Variants in FSIP2 observed in about 807,000 individuals in gnomAD.
FSIP2 encodes the protein fibrous sheath-interacting protein 2.
Under a neutral mutation model 510.5 loss-of-function variants are expected in FSIP2, and 367 were observed. That is an observed-to-expected ratio of 0.72 (90% CI 0.66 to 0.78). FSIP2 has a LOEUF of 0.78. Among genes scored for constraint, FSIP2 ranks in the 30% least tolerant of loss-of-function variants. FSIP2 has a pLI of 0.00. For missense variants in FSIP2, 7,594 were observed against 7,901.7 expected (o/e 0.96, Z 1.48); for synonymous variants, 2,601 against 2,732.2 (o/e 0.95, Z 1.50).
chr2:185,808,631 A>G lies in FSIP2; in HGVS notation c.19325A>G (p.Asp6442Gly). The change falls in exon 17 of 23, where the codon GAT (aspartate) becomes GGT (glycine). Residue 6442 changes from aspartate to glycine, a missense_variant. By Grantham distance (94) the Asp-to-Gly change is moderately conservative. Coordinates refer to ENST00000424728, the MANE Select transcript of FSIP2 (RefSeq NM_173651.4). ...QSGTNKEFYY[D>G]IKDTNTAFPK... ...GGAACCAACAAAGAATTTTATTATG[A>G]TATAAAAGATACAAATACAGCCTTT... 1 of 1,603,142 alleles carries G rather than the reference A, an allele frequency of 6.2e-7. No individual in the cohort carries two copies. The highest frequency in any genetic ancestry group is 8.5e-7 in the Non-Finnish European group (1 of 1,174,730).
At chr2:185,824,531 GTT>G (rs544414863) in intron 20 of FSIP2, 51 bp downstream of exon 20, 9 of 903,442 alleles carry the variant, frequency 1.0e-5, no homozygotes, top group African/African-American at 3.5e-5. Flanking sequence ...ACTTTGATGT[GTT>G]TTTTTTTTAG....
At chr2:185,750,050 A>G (rs1692111315) in intron 7 of FSIP2, among the ~76,000 whole-genome samples, 1 of 151,742 alleles carries the variant, frequency 6.6e-6, no homozygotes, top group Non-Finnish European at 1.5e-5. Context: ...CATTTTACAT[A>G]TTGTTGTATT....
Position 185,807,133 on chromosome 2 carries a change from G to A in FSIP2, c.17827G>A (p.Glu5943Lys). The change falls in exon 17 of 23, where the codon GAA (glutamate) becomes AAA (lysine). Residue 5943 changes from glutamate (E) to lysine (K), a missense_variant. Transcript: ENST00000424728. ...SIWKNINSNGENLARRLTSAV... is the reference protein window; with the variant it reads ...SIWKNINSNGKNLARRLTSAV... The stretch of plus-strand genomic sequence containing the variant: ...TTGGAAGAATATAAACAGTAATGGA[G>A]AAAATTTAGCAAGAAGACTAACTAG... 1 of 1,601,480 alleles carries A rather than the reference G, an allele frequency of 6.2e-7. No individual in the cohort carries two copies. The highest frequency in any genetic ancestry group is 8.5e-7 in the Non-Finnish European group (1 of 1,175,854).
intron 13 of FSIP2, among the ~76,000 whole-genome samples, chr2:185,775,864 A>G (rs1692705681): frequency 1.3e-5 from 2 of 152,164 alleles, no homozygotes; most frequent in East Asian, 1.9e-4. Context: ...GAGTTTCTCC[A>G]TGTTGGCCAG....
In FSIP2 at chr2:185,790,056, C is replaced by G. The variant is rs1410380893; in HGVS notation, c.2920C>G (p.Leu974Val). The stretch of plus-strand genomic sequence containing the variant: ...TTCTGACACCAAAGAAAAGTACAGA[C>G]TCACTGGCACTAGATTATCAAATAG... ...SPSDTKEKYR[L>V]TGTRLSNSPR... The change falls in exon 16 of 23, where the codon CTC (leucine) becomes GTC (valine). Residue 974 changes from leucine to valine, a missense_variant. Transcript: ENST00000424728. 1.2e-5 allele frequency: 18 copies of G among 1,533,364 alleles called. No individual in the cohort carries two copies. In the East Asian group the frequency reaches 4.4e-4, roughly 38 times the overall value. 95.0% of individuals were successfully genotyped at this position (1,533,364 alleles called of 1,614,324 possible).
rs1434497881 is a variant in FSIP2, at chr2:185,789,149, G to A, written c.2013G>A (p.Gly671=). ...CTACCACTGAAACAGATAGCTTAGG[G>A]AGTTCATTGCATTGTGATAAAACAG... ...KDATTETDSL[G]SSLHCDKTAK... Residue 671 remains glycine, a synonymous_variant, in exon 16 of 23, where the codon GGG becomes GGA. Coordinates refer to ENST00000424728, the MANE Select transcript of FSIP2 (RefSeq NM_173651.4). 2 of 1,535,056 alleles carry A rather than the reference G, an allele frequency of 1.3e-6. No individual in the cohort carries two copies. The highest frequency in any genetic ancestry group is 1.2e-5 in the South Asian group (1 of 84,024).
chr2:185,760,807 A>G (rs1051645500), intron 9 of FSIP2, among the ~76,000 whole-genome samples, 181 bp from the exon 10 acceptor site: 1 of 150,726 alleles, frequency 6.6e-6, no homozygotes, highest in Non-Finnish European at 1.5e-5. Context: ...AAGTTGCATT[A>G]GAAAACTTCT....
In FSIP2 at chr2:185,803,366, C is replaced by T. The variant is rs1015882507; in HGVS notation, c.14060C>T (p.Pro4687Leu). The T allele has an allele frequency of 6.6e-5, 101 of 1,533,058 alleles. No homozygotes were observed. The highest frequency in any genetic ancestry group is 8.6e-5 in the Non-Finnish European group (98 of 1,144,912). The allele number at this position is 1,533,058 out of a possible 1,614,324, so 95.0% of individuals were successfully genotyped here. A position where few individuals can be genotyped will look rare whatever the true frequency, so the allele number is the denominator to read the frequency against. The change falls in exon 17 of 23, where the codon CCT becomes CTT. Residue 4687 changes from proline (P) to leucine (L), a missense_variant. By Grantham distance (98) the Pro-to-Leu change is moderately conservative. Coordinates refer to ENST00000424728, the MANE Select transcript of FSIP2 (RefSeq NM_173651.4). ...AATACTGAGGAAAGACTGTGTTTAC[C>T]TCCAGTGGAGAGGGATGTAGTCAAA... is the stretch of plus-strand genomic sequence containing the variant. ...IDNTEERLCL[P>L]PVERDVVKTI...
chr2:185,791,147 T>G lies in FSIP2; in HGVS notation c.4011T>G (p.Thr1337=). The G allele has an allele frequency of 1.3e-6, 2 of 1,533,500 alleles. No individual in the cohort carries two copies. The highest frequency in any genetic ancestry group is 1.2e-5 in the South Asian group (1 of 83,930). The allele number at this position is 1,533,500 out of a possible 1,614,324, so 95.0% of individuals were successfully genotyped here. The change falls in exon 16 of 23, where the codon ACT becomes ACG. Residue 1337 remains threonine, a synonymous_variant. Coordinates refer to ENST00000424728, the MANE Select transcript of FSIP2 (RefSeq NM_173651.4). ...CAGATAAAGGATTTTTTGCTAATAC[T>G]GATAAAAAATTAGAATCTCTTGTCA... ...SLTDKGFFAN[T]DKKLESLVTS...
chr2:185,828,103 T>A, intron 20 of FSIP2, 53 bp from the exon 21 acceptor site: 1 of 970,768 alleles, frequency 1.0e-6, no homozygotes. Context: ...TGTCAACAAA[T>A]ATACATGCCT....
intron 22 of FSIP2, 75 bp downstream of exon 22, chr2:185,831,957 T>A: frequency 1.1e-6 from 1 of 884,258 alleles, no homozygotes; most frequent in East Asian, 2.6e-5. Context: ...GAATTTTTTA[T>A]TACTTTCCTG....
intron 20 of FSIP2, among the ~76,000 whole-genome samples, chr2:185,824,974 A>G (rs1693990472): frequency 6.6e-6 from 1 of 151,474 alleles, no homozygotes; most frequent in South Asian, 2.1e-4. Context: ...ATTTGTAATG[A>G]CTTTTAGGTT....
At chr2:185,830,828 G>C (rs1266485363) in intron 21 of FSIP2, among the ~76,000 whole-genome samples, 1 of 151,654 alleles carries the variant, frequency 6.6e-6, no homozygotes, top group African/African-American at 2.4e-5. Context: ...TCTCACATTA[G>C]AGTTTTGTGA....
intron 7 of FSIP2, among the ~76,000 whole-genome samples, chr2:185,749,739 T>C (rs570434617): frequency 6.6e-6 from 1 of 151,950 alleles, no homozygotes; most frequent in South Asian, 2.1e-4. Flanking sequence ...TCTTTGCTAG[T>C]GATCTCAAGG....
Position 185,805,790 on chromosome 2 carries a change from T to C in FSIP2, c.16484T>C (p.Ile5495Thr), listed in dbSNP as rs371174162. 63 of 1,603,172 alleles carry C rather than the reference T, an allele frequency of 3.9e-5. No individual in the cohort carries two copies. Among genetic ancestry groups the C allele is most frequent in the Non-Finnish European group, 5.0e-5 (59 of 1,176,460 alleles). Reference protein sequence around the residue: ...GDIQNPVLSSINAIMKSGMIN... With the variant: ...GDIQNPVLSSTNAIMKSGMIN... ...ATCCAAAATCCAGTACTTAGCTCTA[T>C]AAATGCAATTATGAAAAGCGGCATG... Residue 5495 changes from isoleucine (I) to threonine (T), a missense_variant, in exon 17 of 23, where the codon ATA (isoleucine) becomes ACA (threonine). Transcript: ENST00000424728.
rs2105651939 is a variant in FSIP2, at chr2:185,806,526, A to G, written c.17220A>G (p.Lys5740=). The G allele has an allele frequency of 1.9e-6, 3 of 1,598,658 alleles. No individual in the cohort carries two copies. The highest frequency in any genetic ancestry group is 4.5e-5 in the East Asian group (2 of 44,688). ...TTKKVSSSTN[K]NISAKEKEEE... is the part of the protein sequence containing the mutation. ...AAAAAGTATCCTCCTCAACTAACAA[A>G]AATATCTCTGCCAAAGAAAAAGAAG... The change falls in exon 17 of 23, where the codon AAA becomes AAG. Residue 5740 remains lysine, a synonymous_variant. Coordinates refer to ENST00000424728, the MANE Select transcript of FSIP2 (RefSeq NM_173651.4).
Position 185,745,465 on chromosome 2 carries a change from A to G in FSIP2, c.514A>G (p.Asn172Asp). 6.5e-7 allele frequency: 1 copy of G among 1,534,926 alleles called. No homozygotes were observed. Among genetic ancestry groups the G allele is most frequent in the Non-Finnish European group, 8.7e-7 (1 of 1,145,936 alleles). The change falls in exon 5 of 23, where the codon AAC becomes GAC. Residue 172 changes from asparagine (N) to aspartate (D), a missense_variant. Physicochemically the swap from Asn to Asp is conservative, Grantham distance 23 (BLOSUM62 1). Coordinates refer to ENST00000424728, the MANE Select transcript of FSIP2 (RefSeq NM_173651.4). ...LAKQLHNIPE[N>D]NQIPQHCDVA... is the part of the protein sequence containing the mutation. Reference sequence around the variant, plus strand: ...AAAACAACTACATAACATACCGGAAAACAATCAAATCCCTCAACATTGTGA... The same window carrying G: ...AAAACAACTACATAACATACCGGAAGACAATCAAATCCCTCAACATTGTGA...
At chr2:185,764,894 T>C (rs1692432583) in intron 13 of FSIP2, 1 of 188,116 alleles carries the variant, frequency 5.3e-6, no homozygotes, top group African/African-American at 2.3e-5. Flanking sequence ...AGGAATTTCC[T>C]ATTTTCTTTT....
intron 17 of FSIP2, among the ~76,000 whole-genome samples, chr2:185,809,708 C>T (rs552738634): frequency 6.6e-6 from 1 of 152,110 alleles, no homozygotes; most frequent in East Asian, 1.9e-4. Context: ...TTGCCCTGGC[C>T]TCTCAAGATG....
Sources: allele counts gnomAD v4.1 joint callset (sites outside exome capture counted in the v4.1 genomes callset), GRCh38; gene constraint gnomAD v4.1.1; transcripts MANE v1.5; gene names NCBI Gene and HGNC (gene_info 2026-07-23, HGNC 2026-07-21).